The following MAD1L1 variants were observed in gnomAD, a reference collection of about 807,000 sequenced individuals.
MAD1L1 encodes the protein mitotic arrest deficient 1 like 1.
MAD1L1 carries 95 observed loss-of-function variants against 96.9 expected under a neutral mutation model. That is an observed-to-expected ratio of 0.98 (90% CI 0.83 to 1.16). The LOEUF (loss-of-function observed/expected upper bound fraction) is 1.16, where lower values mean the gene tolerates loss of function less well. MAD1L1 is among the 50% of genes most tolerant of loss of function. MAD1L1 has a pLI of 0.00. For missense variants in MAD1L1, 1,007 were observed against 954.4 expected (o/e 1.06, Z -0.73); for synonymous variants, 473 against 396.6 (o/e 1.19, Z -2.29).
chr7:1,873,820 T>C (rs941025847), intron 18 of MAD1L1, among the ~76,000 whole-genome samples: 1 of 152,160 alleles, frequency 6.6e-6, no homozygotes, highest in African/African-American at 2.4e-5. Flanking sequence ...CAGGCAGGGC[T>C]TATCCTGCCT....
chr7:2,123,967 G>GGT, intron 11 of MAD1L1, among the ~76,000 whole-genome samples: 1 of 138,878 alleles, frequency 7.2e-6, no homozygotes, highest in East Asian at 2.0e-4. Flanking sequence ...GGCAGCAAGG[G>GGT]GCGGGGGCTT....
chr7:2,060,595 C>T (rs761423165), intron 12 of MAD1L1, among the ~76,000 whole-genome samples: 6 of 152,092 alleles, frequency 3.9e-5, no homozygotes, highest in East Asian at 1.9e-4. Flanking sequence ...GAGGAGGCAA[C>T]GACGACAGCA....
chr7:2,201,272 C>G (rs113639255), intron 10 of MAD1L1, among the ~76,000 whole-genome samples: 21 of 137,050 alleles, frequency 1.5e-4, no homozygotes, highest in African/African-American at 5.4e-4. Flanking sequence ...GCCTCTGGCC[C>G]TCGGCTGGCG....
intron 12 of MAD1L1, among the ~76,000 whole-genome samples, chr7:2,064,090 G>A (rs1028155563): frequency 1.3e-5 from 2 of 152,148 alleles, no homozygotes; most frequent in Non-Finnish European, 2.9e-5. Context: ...GCCTGGCCTC[G>A]CGGCTAACCC....
chr7:1,888,759 A>T (rs1562493741), intron 18 of MAD1L1, among the ~76,000 whole-genome samples: 1 of 150,780 alleles, frequency 6.6e-6, no homozygotes, highest in African/African-American at 2.4e-5. Context: ...GTGAGCATGC[A>T]TGTGTGTGTG....
chr7:1,873,095 G>A (rs1012315949), intron 18 of MAD1L1, among the ~76,000 whole-genome samples: 1 of 152,270 alleles, frequency 6.6e-6, no homozygotes, highest in African/African-American at 2.4e-5. Context: ...GAGCCGTGGA[G>A]GAGCGGGGAG....
At chr7:1,989,729 T>C (rs1781321484) in intron 14 of MAD1L1, among the ~76,000 whole-genome samples, 1 of 151,662 alleles carries the variant, frequency 6.6e-6, no homozygotes, top group East Asian at 1.9e-4. Flanking sequence ...CAGCACAGGT[T>C]GGCTTCAGCA....
chr7:2,001,043 T>C (rs1311551651), intron 14 of MAD1L1, among the ~76,000 whole-genome samples: 1 of 152,206 alleles, frequency 6.6e-6, no homozygotes, highest in Non-Finnish European at 1.5e-5. Context: ...CCACAGGCTG[T>C]GCTGCCAGCC....
intron 11 of MAD1L1, among the ~76,000 whole-genome samples, chr7:2,090,075 G>A (rs560699126): frequency 2.6e-5 from 4 of 152,324 alleles, no homozygotes; most frequent in Admixed American, 2.6e-4. Flanking sequence ...GGAATGGCAT[G>A]GTCGTGTTTA....
intron 10 of MAD1L1, among the ~76,000 whole-genome samples, chr7:2,203,180 T>C (rs1251300241): frequency 2.6e-5 from 4 of 152,240 alleles, no homozygotes; most frequent in Non-Finnish European, 5.9e-5. Context: ...CAGCGGCATC[T>C]TGGCCACGAG....
At chr7:2,062,533 C>T (rs748729770) in intron 12 of MAD1L1, among the ~76,000 whole-genome samples, 2 of 151,988 alleles carry the variant, frequency 1.3e-5, no homozygotes, top group Non-Finnish European at 2.9e-5. Flanking sequence ...CGAGATCACG[C>T]GACTGCACTC....
chr7:1,847,773 A>T (rs1360207030), intron 18 of MAD1L1: 1 of 456,578 alleles, frequency 2.2e-6, no homozygotes, highest in Non-Finnish European at 4.5e-6. Context: ...CGTGCTGTGT[A>T]CAAGAATGAA....
Position 1,816,341 on chromosome 7 carries a change from A to C in MAD1L1, c.1999-113T>G, listed in dbSNP as rs1583456491. The C allele has an allele frequency of 3.5e-5, 37 of 1,070,900 alleles. No individual in the cohort carries two copies. The South Asian group carries it at 4.9e-4, about 14-fold the overall frequency. 66.3% of individuals were successfully genotyped at this position (1,070,900 alleles called of 1,614,324 possible). A position where few individuals can be genotyped will look rare whatever the true frequency, so the allele number is the denominator to read the frequency against. On this transcript the variant is annotated intron_variant, in intron 18 of 18. Transcript: ENST00000265854. ...CATGGGGGCTTCCCTCAGTCTGAGG[A>C]CCTGGACAGGGGTAGATGCGTCCTC...
At chr7:2,130,444 G>A (rs1788458324) in intron 11 of MAD1L1, among the ~76,000 whole-genome samples, 1 of 152,214 alleles carries the variant, frequency 6.6e-6, no homozygotes, top group Admixed American at 6.5e-5. Context: ...TGAGAGGCCA[G>A]AGCTTAACTC....
chr7:2,214,318 T>C (rs1352698491), intron 9 of MAD1L1, among the ~76,000 whole-genome samples: 1 of 152,216 alleles, frequency 6.6e-6, no homozygotes, highest in Non-Finnish European at 1.5e-5. Flanking sequence ...GCATGGGAGC[T>C]GTCTTTTCAG....
chr7:2,015,085 C>T (rs1782476087), intron 12 of MAD1L1, among the ~76,000 whole-genome samples: 1 of 152,202 alleles, frequency 6.6e-6, no homozygotes, highest in Non-Finnish European at 1.5e-5. Flanking sequence ...CACACTGGGC[C>T]CAGGGAAACG....
rs530306913 is a variant in MAD1L1 at position 2,119,380 on chromosome 7, C to T, written c.1073+29772G>A. Among the ~76,000 whole-genome samples the T allele has an allele frequency of 1.2e-4, 18 of 152,280 alleles. No individual in the cohort carries two copies. The highest frequency in any genetic ancestry group is 1.2e-3 in the East Asian group (6 of 5,170). On this transcript the variant is annotated intron_variant, in intron 11 of 18. Coordinates refer to ENST00000265854, the MANE Select transcript of MAD1L1 (RefSeq NM_001013836.2). This position sits in a 1 kb window ranked among gnomAD's most constrained non-coding sequence, Gnocchi z 4.6. ...TGACAGTGGCCCACATGGTTTAGGACGGGGTGAGAGTCCTCCATCTCCCAC... is the reference window on the plus strand; with the variant it reads ...TGACAGTGGCCCACATGGTTTAGGATGGGGTGAGAGTCCTCCATCTCCCAC...
At chr7:1,884,355 A>C (rs1487428682) in intron 18 of MAD1L1, among the ~76,000 whole-genome samples, 4 of 152,300 alleles carry the variant, frequency 2.6e-5, no homozygotes, top group African/African-American at 7.2e-5. Flanking sequence ...CCGGGCAGCC[A>C]CCAGCTCCCC....
intron 11 of MAD1L1, among the ~76,000 whole-genome samples, chr7:2,137,322 A>T (rs1788801845): frequency 6.6e-6 from 1 of 152,240 alleles, no homozygotes; most frequent in Non-Finnish European, 1.5e-5. Flanking sequence ...GGGGCCAAGA[A>T]AGATGTTCGC....
Sources: allele counts gnomAD v4.1 joint callset (sites outside exome capture counted in the v4.1 genomes callset), GRCh38; gene constraint gnomAD v4.1.1; non-coding constraint Gnocchi (gnomAD v3.1); transcripts MANE v1.5; gene names NCBI Gene and HGNC (gene_info 2026-07-23, HGNC 2026-07-21).